C15orf39: variants seen among roughly 807,000 people sequenced by gnomAD.
C15orf39 encodes PRMT2 interacting protein.
Under a neutral mutation model 53.9 loss-of-function variants are expected in C15orf39, and 24 were observed. The observed-to-expected ratio is 0.45, with a 90% CI of 0.32 to 0.63. C15orf39 has a LOEUF of 0.63. Among genes scored for constraint, C15orf39 ranks in the 20% least tolerant of loss-of-function variants. The pLI is 0.04. For synonymous variants in C15orf39, 569 were observed against 576.5 expected, an observed-to-expected ratio of 0.99 and a Z score of 0.19; for missense variants, 1,271 against 1,347.9, an observed-to-expected ratio of 0.94 and a Z score of 0.89.
In C15orf39 at chr15:75,208,801, G is replaced by A. The variant is rs150058666; in HGVS notation, c.2753G>A (p.Arg918His). Reference sequence around the variant, plus strand: ...CCCGACCTTCTCGGCCTGCAGTGGCGCGACTGTGTACGCCGCCAGCTGGGT... The same window carrying A: ...CCCGACCTTCTCGGCCTGCAGTGGCACGACTGTGTACGCCGCCAGCTGGGT... The part of the protein sequence containing the change: ...IYPDLLGLQW[R>H]DCVRRQLGDF... The change falls in exon 2 of 3, where the codon CGC becomes CAC. Residue 918 changes from arginine (R) to histidine (H), a missense_variant. Physicochemically the swap from Arg to His is conservative, Grantham distance 29. Around this residue, in one of 2 missense-constraint regions of C15orf39, gnomAD observed 277 missense variants for 354.1 expected, o/e 0.78. Coordinates refer to ENST00000394987, the MANE Select transcript of C15orf39 (RefSeq NM_015492.5). 49 of 1,604,474 alleles carry A rather than the reference G, an allele frequency of 3.1e-5. No individual in the cohort carries two copies. Among genetic ancestry groups the A allele is most frequent in the African/African-American group, 2.5e-4 (19 of 74,884 alleles).
Position 75,206,949 on chromosome 15 carries a change from G to A in C15orf39, c.901G>A (p.Ala301Thr). The A allele has an allele frequency of 1.3e-6, 2 of 1,522,962 alleles. No homozygotes were observed. The highest frequency in any genetic ancestry group is 1.8e-6 in the Non-Finnish European group (2 of 1,130,554). The allele number at this position is 1,522,962 out of a possible 1,614,324, so 94.3% of individuals were successfully genotyped here. Reference sequence around the variant, plus strand: ...AGAGAAGCAGGGCAGCTACAGCCCAGCACTCCCACTGCAGCCTCTGGGGGG... The same window carrying A: ...AGAGAAGCAGGGCAGCTACAGCCCAACACTCCCACTGCAGCCTCTGGGGGG... ...HPEKQGSYSP[A>T]LPLQPLGGHK... Residue 301 changes from alanine to threonine, a missense_variant, in exon 2 of 3, where the codon GCA becomes ACA. Coordinates refer to ENST00000394987, the MANE Select transcript of C15orf39 (RefSeq NM_015492.5).
upstream of C15orf39, among the ~76,000 whole-genome samples, chr15:75,201,532 C>T (rs1371418911): frequency 6.6e-6 from 1 of 152,244 alleles, no homozygotes; most frequent in South Asian, 2.1e-4. This position sits in a 1 kb window ranked among gnomAD's most constrained non-coding sequence, Gnocchi z 4.7. Context: ...GCTTACACCG[C>T]CACCGCTATG....
chr15:75,211,187 G>T lies in C15orf39; in HGVS notation c.*71G>T. The T allele has an allele frequency of 6.6e-7, 1 of 1,515,318 alleles. No individual in the cohort carries two copies. Among genetic ancestry groups the T allele is most frequent in the South Asian group, 1.3e-5 (1 of 77,638 alleles). 93.9% of individuals were successfully genotyped at this position (1,515,318 alleles called of 1,614,324 possible). A position where few individuals can be genotyped will look rare whatever the true frequency, so the allele number is the denominator to read the frequency against. On this transcript the variant is annotated 3_prime_UTR_variant, in exon 3 of 3. Coordinates refer to ENST00000394987, the MANE Select transcript of C15orf39 (RefSeq NM_015492.5). Reference sequence around the variant, plus strand: ...CCCTTCTGCCTGCCCAGCTGCCCCGGGGCCACGAGTGGATGCTGGGGCTGT... The same window carrying T: ...CCCTTCTGCCTGCCCAGCTGCCCCGTGGCCACGAGTGGATGCTGGGGCTGT...
Position 75,207,851 on chromosome 15 carries a change from A to G in C15orf39, c.1803A>G (p.Ala601=). The G allele has an allele frequency of 6.2e-7, 1 of 1,613,530 alleles. No individual in the cohort carries two copies. Among genetic ancestry groups the G allele is most frequent in the Non-Finnish European group, 8.5e-7 (1 of 1,179,926 alleles). ...CTGTGGAGCATGCCAAGCCTACTGC[A>G]GCCATGGATGTGCCAGATGTGGGCA... The part of the protein sequence containing the change: ...SRSVEHAKPT[A]AMDVPDVGNM... The change falls in exon 2 of 3, where the codon GCA becomes GCG. Residue 601 remains alanine (A), a synonymous_variant. Coordinates refer to ENST00000394987, the MANE Select transcript of C15orf39 (RefSeq NM_015492.5).
rs1285841731 is a variant in C15orf39, at chr15:75,207,207, C to G, written c.1159C>G (p.Leu387Val). The G allele has an allele frequency of 6.2e-7, 1 of 1,613,914 alleles. No homozygotes were observed. Among genetic ancestry groups the G allele is most frequent in the South Asian group, 1.1e-5 (1 of 91,080 alleles). ...TCCTTATGCCCGGGATGACCTCTCT[C>G]TCTATGGAGCATCCCCTGGGCTTGG... The part of the protein sequence containing the change: ...SFPYARDDLS[L>V]YGASPGLGGT... The change falls in exon 2 of 3, where the codon CTC becomes GTC. Residue 387 changes from leucine to valine, a missense_variant. Coordinates refer to ENST00000394987, the MANE Select transcript of C15orf39 (RefSeq NM_015492.5).
chr15:75,201,650 G>A (rs1027438446), upstream of C15orf39, among the ~76,000 whole-genome samples: 15 of 152,372 alleles, frequency 9.8e-5, no homozygotes, highest in African/African-American at 3.4e-4. This position sits in a 1 kb window ranked among gnomAD's most constrained non-coding sequence, Gnocchi z 4.7. Flanking sequence ...AACGATCTAA[G>A]GGAGCGACTG....
intron 1 of C15orf39, among the ~76,000 whole-genome samples, chr15:75,204,320 C>T (rs1236280976): frequency 6.6e-6 from 1 of 152,208 alleles, no homozygotes; most frequent in Non-Finnish European, 1.5e-5. Flanking sequence ...TTACTGGGTG[C>T]CTGCTGCCCT....
Position 75,206,131 on chromosome 15 carries a change from A to G in C15orf39, c.83A>G (p.Glu28Gly), listed in dbSNP as rs756493518. The change falls in exon 2 of 3, where the codon GAG (glutamate) becomes GGG (glycine). Residue 28 changes from glutamate (E) to glycine (G), a missense_variant. Glu to Gly is a moderately conservative substitution (Grantham distance 98). Coordinates refer to ENST00000394987, the MANE Select transcript of C15orf39 (RefSeq NM_015492.5). ...LPRLETDSGL[E>G]HSLPHSVGNQ... Reference sequence around the variant, plus strand: ...CGCTTAGAGACAGACTCCGGGCTCGAGCACAGCCTGCCCCACTCTGTTGGT... The same window carrying G: ...CGCTTAGAGACAGACTCCGGGCTCGGGCACAGCCTGCCCCACTCTGTTGGT... 18 of 1,613,674 alleles carry G rather than the reference A, an allele frequency of 1.1e-5. No homozygotes were observed. Among genetic ancestry groups the G allele is most frequent in the Non-Finnish European group, 1.4e-5 (17 of 1,179,922 alleles).
intron 1 of C15orf39, 33 bp from the exon 2 acceptor site, chr15:75,205,966 C>A: frequency 1.4e-6 from 2 of 1,391,302 alleles, no homozygotes; most frequent in South Asian, 1.5e-5. Flanking sequence ...GCCTGTTTTC[C>A]TGACAGCCCC....
chr15:75,209,009 AT>A (rs1207578565), intron 2 of C15orf39, 185 bp downstream of exon 2: 2 of 1,037,404 alleles, frequency 1.9e-6, no homozygotes, highest in Non-Finnish European at 2.7e-6. Flanking sequence ...GAGCACCTTC[AT>A]AGCCTCTTTT....
chr15:75,201,040 C>T (rs117379590), upstream of C15orf39, among the ~76,000 whole-genome samples: 1,275 of 152,244 alleles, frequency 8.4e-3, 12 homozygotes, highest in Middle Eastern at 0.024. The surrounding 1 kb of genome is among the most constrained non-coding windows in gnomAD (Gnocchi z 4.7). Flanking sequence ...CACCTGCCCT[C>T]CCCTTCCCCA....
chr15:75,210,092 G>A (rs1310678813), intron 2 of C15orf39, among the ~76,000 whole-genome samples: 2 of 152,176 alleles, frequency 1.3e-5, no homozygotes, highest in African/African-American at 4.8e-5. Context: ...CTGATCAGCA[G>A]TGGAGTCTGG....
intron 1 of C15orf39, among the ~76,000 whole-genome samples, chr15:75,204,534 T>A (rs2070425212): frequency 6.6e-6 from 1 of 152,008 alleles, no homozygotes. Context: ...TGAGGTGGAG[T>A]CTCACTCTGC....
rs937522578 is a variant in C15orf39, at chr15:75,211,402, G to A, written c.*286G>A. ...AATCCCGGCTCGTGTTCTTGCTGCA[G>A]GACCTGGGCAAGAAACTTCACCTCT... is the stretch of plus-strand genomic sequence containing the variant. On this transcript the variant is annotated 3_prime_UTR_variant, in exon 3 of 3. Transcript: ENST00000394987. 4.5e-5 allele frequency: 17 copies of A among 375,548 alleles called. No homozygotes were observed. Among genetic ancestry groups the A allele is most frequent in the Non-Finnish European group, 8.1e-5 (17 of 210,402 alleles). The allele number at this position is 375,548 out of a possible 1,614,324, so 23.3% of individuals were successfully genotyped here. A position where few individuals can be genotyped will look rare whatever the true frequency, so the allele number is the denominator to read the frequency against.
In C15orf39 at chr15:75,208,204, C is replaced by T; in HGVS notation, c.2156C>T (p.Pro719Leu). 6.2e-7 allele frequency: 1 copy of T among 1,613,820 alleles called. No individual in the cohort carries two copies. The change falls in exon 2 of 3, where the codon CCT becomes CTT. Residue 719 changes from proline (P) to leucine (L), a missense_variant. Pro to Leu is a moderately conservative substitution (Grantham distance 98). Coordinates refer to ENST00000394987, the MANE Select transcript of C15orf39 (RefSeq NM_015492.5). ...CCTCCAGCCGTAGCTGTGGCCTCCC[C>T]TGCCCCTGCTCCAGCTCCATCCCCT... is the stretch of plus-strand genomic sequence containing the variant. ...PSPPAVAVAS[P>L]APAPAPSPAP... is the part of the protein sequence containing the mutation.
upstream of C15orf39, among the ~76,000 whole-genome samples, chr15:75,201,214 G>A (rs577052913): frequency 4.5e-4 from 69 of 152,162 alleles, no homozygotes; most frequent in African/African-American, 1.4e-3. The surrounding 1 kb of genome is among the most constrained non-coding windows in gnomAD (Gnocchi z 4.7). Flanking sequence ...ACCATTCCTG[G>A]CTGGGCGTGC....
At position 75,201,910 on chromosome 15, in the gene C15orf39, C is replaced by T. The variant is rs1448206327; in HGVS notation, c.-200C>T. ...CGGCGCCCAGCGGCGGCGCGAACGGCAGCTAGGAGGGTTGCTCCGGGCTTG... is the reference window on the plus strand; with the variant it reads ...CGGCGCCCAGCGGCGGCGCGAACGGTAGCTAGGAGGGTTGCTCCGGGCTTG... On this transcript the variant is annotated 5_prime_UTR_variant, in exon 1 of 3. Transcript: ENST00000394987. The surrounding 1 kb of genome is among the most constrained non-coding windows in gnomAD (Gnocchi z 4.7). 3 of 151,936 alleles carry T rather than the reference C, an allele frequency of 2.0e-5. No individual in the cohort carries two copies. The highest frequency in any genetic ancestry group is 7.2e-5 in the African/African-American group (3 of 41,418). The allele number at this position is 151,936 out of a possible 1,614,324, so 9.4% of individuals were successfully genotyped here.
Position 75,211,355 on chromosome 15 carries a change from G to C in C15orf39, c.*239G>C. 1 of 460,366 alleles carries C rather than the reference G, an allele frequency of 2.2e-6. No homozygotes were observed. The highest frequency in any genetic ancestry group is 2.0e-5 in the African/African-American group (1 of 50,570). 28.5% of individuals were successfully genotyped at this position (460,366 alleles called of 1,614,324 possible). The stretch of plus-strand genomic sequence containing the variant: ...GCCTAGAGAACACACATGGGCTTTG[G>C]AGCCCGACAGACCTGGGCTTGAATC... On this transcript the variant is annotated 3_prime_UTR_variant, in exon 3 of 3. Coordinates refer to ENST00000394987, the MANE Select transcript of C15orf39 (RefSeq NM_015492.5).
Position 75,206,135 on chromosome 15 carries a change from C to T in C15orf39, c.87C>T (p.His29=). The T allele has an allele frequency of 6.2e-7, 1 of 1,613,986 alleles. No individual in the cohort carries two copies. Among genetic ancestry groups the T allele is most frequent in the Non-Finnish European group, 8.5e-7 (1 of 1,179,958 alleles). Residue 29 remains histidine, a synonymous_variant, in exon 2 of 3, where the codon CAC becomes CAT. Transcript: ENST00000394987. ...PRLETDSGLE[H]SLPHSVGNQD... The stretch of plus-strand genomic sequence containing the variant: ...TAGAGACAGACTCCGGGCTCGAGCA[C>T]AGCCTGCCCCACTCTGTTGGTAACC...
Sources: allele counts gnomAD v4.1 joint callset (sites outside exome capture counted in the v4.1 genomes callset), GRCh38; gene constraint gnomAD v4.1.1; regional missense constraint gnomAD v4.1.1; non-coding constraint Gnocchi (gnomAD v3.1); transcripts MANE v1.5; gene names NCBI Gene and HGNC (gene_info 2026-07-23, HGNC 2026-07-21).